The following ATP9A variants were observed in gnomAD, a reference collection of about 807,000 sequenced individuals.
The protein encoded by ATP9A is ATPase phospholipid transporting 9A.
Under a neutral mutation model 144.1 loss-of-function variants are expected in ATP9A, and 52 were observed. That is an observed-to-expected ratio of 0.36 (90% CI 0.29 to 0.45). The LOEUF is 0.45. Ranked by LOEUF, ATP9A falls within the 20% of genes least tolerant of loss-of-function variation. The probability of loss-of-function intolerance (pLI) is 1.00; values close to 1 mark genes in which losing one functional copy is unlikely to be tolerated. For missense variants in ATP9A, 947 were observed against 1,392.7 expected, an observed-to-expected ratio of 0.68 and a Z score of 5.09; for synonymous variants, 582 against 557.4, an observed-to-expected ratio of 1.04 and a Z score of -0.62.
intron 20 of ATP9A, 68 bp from the exon 21 acceptor site, chr20:51,618,874 C>T (rs1482778890): frequency 3.8e-6 from 6 of 1,588,006 alleles, no homozygotes; most frequent in African/African-American, 2.7e-5. Flanking sequence ...AGGTCGCTGC[C>T]GAGCCTGCAG....
chr20:51,679,081 T>C (rs953781853), intron 9 of ATP9A, among the ~76,000 whole-genome samples: 1 of 152,050 alleles, frequency 6.6e-6, no homozygotes, highest in African/African-American at 2.4e-5. Flanking sequence ...CCCATCACTT[T>C]GGGAGGCCGA....
chr20:51,603,665 G>A (rs1041845221), intron 27 of ATP9A, among the ~76,000 whole-genome samples: 2 of 152,132 alleles, frequency 1.3e-5, no homozygotes, highest in Non-Finnish European at 2.9e-5. Context: ...CGCTGGACAA[G>A]CCCAAGAGTA....
At position 51,652,265 on chromosome 20, in the gene ATP9A, G is replaced by A. The variant is rs569397421; in HGVS notation, c.1506+4673C>T. On this transcript the variant is annotated intron_variant, in intron 14 of 27. Transcript: ENST00000338821. ...TGTACGGTGGCAGGGAGGGCCCAGC[G>A]CCCCCAGGCTGTAATCGATAGCTGA... 3.3e-5 allele frequency among the ~76,000 whole-genome samples: 5 copies of A among 152,254 alleles called. No individual in the cohort carries two copies. The South Asian group carries it at 6.2e-4, about 19-fold the overall frequency.
chr20:51,749,539 T>C (rs754300653), intron 1 of ATP9A, among the ~76,000 whole-genome samples: 3 of 152,196 alleles, frequency 2.0e-5, no homozygotes, highest in East Asian at 3.8e-4. Context: ...GCTGGGATTA[T>C]AGGCGTGAGC....
At chr20:51,624,903 G>T (rs1294192885) in intron 18 of ATP9A, among the ~76,000 whole-genome samples, 1 of 151,058 alleles carries the variant, frequency 6.6e-6, no homozygotes, top group Non-Finnish European at 1.5e-5. Context: ...TACTAGGGAG[G>T]ATGAGGCACA....
intron 15 of ATP9A, among the ~76,000 whole-genome samples, chr20:51,631,028 G>T (rs570044397): frequency 6.6e-6 from 1 of 151,984 alleles, no homozygotes; most frequent in African/African-American, 2.4e-5. Flanking sequence ...CAAAAACCAC[G>T]CTTCTATCTG....
intron 14 of ATP9A, among the ~76,000 whole-genome samples, chr20:51,654,008 AAAG>A (rs1202574162): frequency 2.6e-5 from 4 of 152,184 alleles, no homozygotes; most frequent in Non-Finnish European, 5.9e-5. Flanking sequence ...CAAGCCACAG[AAAG>A]AAGAAATGAT....
At chr20:51,624,652 G>A (rs906467779) in intron 18 of ATP9A, among the ~76,000 whole-genome samples, 89 of 152,136 alleles carry the variant, frequency 5.9e-4, no homozygotes, top group Non-Finnish European at 7.1e-4. Context: ...AGGGAGCCCA[G>A]TGGAGTCAGG....
At position 51,657,051 on chromosome 20, in the gene ATP9A, G is replaced by A; in HGVS notation, c.1393C>T (p.Leu465Phe). The A allele has an allele frequency of 6.2e-7, 1 of 1,614,220 alleles. No homozygotes were observed. Among genetic ancestry groups the A allele is most frequent in the Non-Finnish European group, 8.5e-7 (1 of 1,180,042 alleles). Residue 465 changes from leucine to phenylalanine, a missense_variant, in exon 14 of 28, where the codon CTC becomes TTC. Physicochemically the swap from Leu to Phe is conservative, Grantham distance 22. Transcript: ENST00000338821. Reference sequence around the variant, plus strand: ...TACACGGGAGTCACGTTGTGGCAGAGCGCGATGGCCTTCACGGCTTCGTGC... The same window carrying A: ...TACACGGGAGTCACGTTGTGGCAGAACGCGATGGCCTTCACGGCTTCGTGC... ...RVHEAVKAIA[L>F]CHNVTPVYES...
intron 6 of ATP9A, among the ~76,000 whole-genome samples, chr20:51,694,628 T>G (rs2122824475): frequency 6.6e-6 from 1 of 152,250 alleles, no homozygotes; most frequent in African/African-American, 2.4e-5. Flanking sequence ...AGAGATGTTG[T>G]GACAATTAAA....
intron 27 of ATP9A, among the ~76,000 whole-genome samples, chr20:51,603,290 T>C (rs1409661505): frequency 1.3e-5 from 2 of 152,184 alleles, no homozygotes; most frequent in Non-Finnish European, 2.9e-5. Flanking sequence ...CTAAACCAGC[T>C]AGACTTTCAG....
intron 15 of ATP9A, among the ~76,000 whole-genome samples, chr20:51,636,167 G>A (rs535648368): frequency 2.6e-5 from 4 of 152,194 alleles, no homozygotes; most frequent in South Asian, 2.1e-4. Flanking sequence ...ACGCAAGCAC[G>A]GCAATACCAC....
intron 1 of ATP9A, among the ~76,000 whole-genome samples, chr20:51,758,536 A>G (rs1176798307): frequency 6.6e-6 from 1 of 152,232 alleles, no homozygotes; most frequent in Non-Finnish European, 1.5e-5. Flanking sequence ...AACTTATTGC[A>G]TGCAAGACAG....
At chr20:51,622,303 G>C in intron 18 of ATP9A, 131 bp from the exon 19 acceptor site, 1 of 711,912 alleles carries the variant, frequency 1.4e-6, no homozygotes, top group East Asian at 2.7e-5. Flanking sequence ...GACTCATGCT[G>C]TCCCCAACAC....
intron 11 of ATP9A, among the ~76,000 whole-genome samples, chr20:51,671,781 T>G (rs774204435): frequency 8.6e-5 from 13 of 151,910 alleles, no homozygotes; most frequent in Non-Finnish European, 1.8e-4. Flanking sequence ...AGCACTCTAC[T>G]TACATTTCTA....
intron 17 of ATP9A, 102 bp from the exon 18 acceptor site, chr20:51,625,464 C>T (rs893389933): frequency 5.5e-5 from 73 of 1,332,078 alleles, no homozygotes; most frequent in East Asian, 3.3e-4. Context: ...CCCCACCACA[C>T]GGGGTGGGGG....
chr20:51,610,781 G>C (rs181173705), intron 23 of ATP9A, among the ~76,000 whole-genome samples: 8 of 152,286 alleles, frequency 5.3e-5, no homozygotes, highest in African/African-American at 1.9e-4. Flanking sequence ...GTGTCTACGG[G>C]GGCTGGGATG....
chr20:51,720,237 A>T (rs911387718), intron 3 of ATP9A, among the ~76,000 whole-genome samples: 1 of 152,232 alleles, frequency 6.6e-6, no homozygotes, highest in African/African-American at 2.4e-5. Flanking sequence ...TACACTTTAA[A>T]AAGATAACCA....
At chr20:51,758,365 A>G (rs1946394507) in intron 1 of ATP9A, among the ~76,000 whole-genome samples, 1 of 151,994 alleles carries the variant, frequency 6.6e-6, no homozygotes, top group East Asian at 1.9e-4. Flanking sequence ...ACACGTCCCA[A>G]CCCCTCCACC....
Sources: gnomAD v4.1 joint callset for allele counts (sites outside exome capture counted in the v4.1 genomes callset) on GRCh38, gnomAD v4.1.1 for gene constraint, MANE v1.5 for transcripts, NCBI Gene and HGNC (gene_info 2026-07-23, HGNC 2026-07-21) for gene names.